The following FSCN2 variants were observed in gnomAD, a reference collection of about 807,000 sequenced individuals.
FSCN2 encodes the protein fascin actin-bundling protein 2, retinal.
A neutral mutation model predicts 37.8 loss-of-function variants in FSCN2; 46 were observed. The observed-to-expected ratio is 1.22, with a 90% CI of 0.96 to 1.56. FSCN2 has a LOEUF of 1.56. Among genes scored for constraint, FSCN2 ranks in the 40% most tolerant of loss-of-function variants. The pLI is 0.00. For synonymous variants in FSCN2, 351 were observed against 309.4 expected (o/e 1.13, Z -1.41); for missense variants, 844 against 730.4 (o/e 1.16, Z -1.79).
upstream of FSCN2, among the ~76,000 whole-genome samples, chr17:81,524,684 A>G (rs2032295187): frequency 6.6e-6 from 1 of 152,054 alleles, no homozygotes; most frequent in Non-Finnish European, 1.5e-5. Context: ...GCCCCAGCCC[A>G]CCATATGCTC....
chr17:81,531,723 ATGG>A (rs1568078029), intron 1 of FSCN2, among the ~76,000 whole-genome samples: 1,005 of 65,670 alleles, frequency 0.015, 65 homozygotes, highest in African/African-American at 0.074. Context: ...GATGGTGGTG[ATGG>A]TGATGGTGAT....
upstream of FSCN2, chr17:81,527,874 G>C (rs1555670343): frequency 6.5e-6 from 1 of 154,262 alleles, no homozygotes. Context: ...CCAGAGGCCG[G>C]TCTGGGGTGG....
Position 81,536,882 on chromosome 17 carries a change from C to A in FSCN2, c.1281C>A (p.Asp427Glu), listed in dbSNP as rs746458257. The A allele has an allele frequency of 6.4e-7, 1 of 1,571,954 alleles. No individual in the cohort carries two copies. The highest frequency in any genetic ancestry group is 8.6e-7 in the Non-Finnish European group (1 of 1,158,560). Residue 427 changes from aspartate (D) to glutamate (E), a missense_variant, in exon 5 of 5, where the codon GAC becomes GAA. Transcript: ENST00000417245. ...SDGAYRIRGRDGGFWYTGSHG... is the reference protein window; with the variant it reads ...SDGAYRIRGREGGFWYTGSHG... ...CGCCGTCCCGTCCCCCAGGCCGCGA[C>A]GGAGGGTTCTGGTACACGGGCAGCC...
chr17:81,516,155 ATCTTC>A, the FSCN2 span, among the ~76,000 whole-genome samples: 1 of 152,262 alleles, frequency 6.6e-6, no homozygotes, highest in African/African-American at 2.4e-5. Context: ...GGAGTGTCTC[ATCTTC>A]CACCACTAAA....
chr17:81,532,363 TG>T (rs2032702865), intron 1 of FSCN2, among the ~76,000 whole-genome samples: 1 of 145,328 alleles, frequency 6.9e-6, no homozygotes, highest in Non-Finnish European at 1.5e-5. Context: ...ATGGTGGTGA[TG>T]GTGATGGTGA....
At chr17:81,534,870 G>A (rs1002742027) in intron 1 of FSCN2, among the ~76,000 whole-genome samples, 182 bp from the exon 2 acceptor site, 34 of 151,842 alleles carry the variant, frequency 2.2e-4, no homozygotes, top group African/African-American at 7.7e-4. Flanking sequence ...TCCACAGACG[G>A]CACATATGGC....
At chr17:81,529,456 G>A in intron 1 of FSCN2, 99 bp downstream of exon 1, 2 of 962,006 alleles carry the variant, frequency 2.1e-6, no homozygotes, top group Non-Finnish European at 3.3e-6. Flanking sequence ...TATCGTGTCT[G>A]TGCGTTCACA....
upstream of FSCN2, among the ~76,000 whole-genome samples, chr17:81,526,269 G>T (rs1555670087): frequency 6.6e-6 from 1 of 152,230 alleles, no homozygotes; most frequent in Non-Finnish European, 1.5e-5. Flanking sequence ...TGGGGTGGGG[G>T]GGACCATGGG....
At chr17:81,520,336 A>G in the FSCN2 span, among the ~76,000 whole-genome samples, 1 of 152,208 alleles carries the variant, frequency 6.6e-6, no homozygotes, top group Non-Finnish European at 1.5e-5. Context: ...GGGAAGGATC[A>G]TGGTTGGCCC....
At chr17:81,533,635 C>T (rs758701624) in intron 1 of FSCN2, among the ~76,000 whole-genome samples, 1 of 152,252 alleles carries the variant, frequency 6.6e-6, no homozygotes, top group Non-Finnish European at 1.5e-5. Context: ...CTAGCAGACA[C>T]TTCTTCACAC....
At chr17:81,524,898 C>CACACACACAT (rs1164794408), upstream of FSCN2, among the ~76,000 whole-genome samples, 3 of 141,840 alleles carry the variant, frequency 2.1e-5, no homozygotes, top group African/African-American at 7.5e-5. Flanking sequence ...CACCTTCACA[C>CACACACACAT]ACACACACAC....
At chr17:81,530,812 T>G (rs773445124) in intron 1 of FSCN2, 9 of 309,396 alleles carry the variant, frequency 2.9e-5, no homozygotes, top group Non-Finnish European at 5.6e-5. Flanking sequence ...AGTGACAGGG[T>G]CCCAGGAGTG....
chr17:81,530,106 G>A (rs781889094), intron 1 of FSCN2: 10 of 268,746 alleles, frequency 3.7e-5, no homozygotes, highest in African/African-American at 1.4e-4. Flanking sequence ...CACCGTGCCC[G>A]GCTGCATTTT....
rs372191222 is a variant in FSCN2 at position 81,529,126 on chromosome 17, C to T, written c.595C>T (p.Arg199Cys). 30 of 1,582,944 alleles carry T rather than the reference C, an allele frequency of 1.9e-5. No homozygotes were observed. Among genetic ancestry groups the T allele is most frequent in the Middle Eastern group, 3.3e-4 (2 of 6,054 alleles). The change falls in exon 1 of 5, where the codon CGT becomes TGT. Residue 199 changes from arginine to cysteine, a missense_variant. Transcript: ENST00000417245. ...CDSRYLRSDG[R>C]LVWEPEPRAC... Reference sequence around the variant, plus strand: ...CAGCCGCTACCTGCGCAGCGACGGCCGTCTGGTCTGGGAGCCTGAGCCCCG... The same window carrying T: ...CAGCCGCTACCTGCGCAGCGACGGCTGTCTGGTCTGGGAGCCTGAGCCCCG...
At chr17:81,524,226 G>C (rs539802457), upstream of FSCN2, among the ~76,000 whole-genome samples, 3 of 152,134 alleles carry the variant, frequency 2.0e-5, no homozygotes, top group Non-Finnish European at 4.4e-5. Flanking sequence ...GATGGAGGCC[G>C]AGGCTCAGGC....
chr17:81,524,915 A>ACACACG (rs1555669882), upstream of FSCN2, among the ~76,000 whole-genome samples: 1 of 149,564 alleles, frequency 6.7e-6, no homozygotes, highest in African/African-American at 2.4e-5. Flanking sequence ...ACACACACAC[A>ACACACG]CACACCACAC....
the FSCN2 span, among the ~76,000 whole-genome samples, chr17:81,520,894 T>C: frequency 6.6e-6 from 1 of 152,240 alleles, no homozygotes; most frequent in Non-Finnish European, 1.5e-5. Flanking sequence ...TCTGTTCTTC[T>C]GTTTTGGGAT....
chr17:81,528,540 G>C lies in FSCN2; in HGVS notation c.9G>C (p.Thr3=), dbSNP rs782518936. 1 of 1,594,746 alleles carries C rather than the reference G, an allele frequency of 6.3e-7. No individual in the cohort carries two copies. MP[T]NGLHQVLKIQ... ...ACCCGGCCAGCCTGAAGATGCCGAC[G>C]AACGGCCTGCACCAGGTGCTGAAGA... The change falls in exon 1 of 5, where the codon ACG becomes ACC. Residue 3 remains threonine (T), a synonymous_variant. Coordinates refer to ENST00000417245, the MANE Select transcript of FSCN2 (RefSeq NM_012418.4).
At chr17:81,531,618 GTGA>G (rs1464213872) in intron 1 of FSCN2, among the ~76,000 whole-genome samples, 9 of 138,386 alleles carry the variant, frequency 6.5e-5, no homozygotes, top group Admixed American at 4.3e-4. Context: ...GGTGATGATG[GTGA>G]TGGTGGTGGT....
Sources: gnomAD v4.1 joint callset for allele counts (sites outside exome capture counted in the v4.1 genomes callset) on GRCh38, gnomAD v4.1.1 for gene constraint, MANE v1.5 for transcripts, NCBI Gene and HGNC (gene_info 2026-07-23, HGNC 2026-07-21) for gene names.